Variants in MEF2C observed in about 807,000 individuals in gnomAD.
MEF2C encodes myocyte enhancer factor 2C.
MEF2C carries 6 observed loss-of-function variants against 50.5 expected under a neutral mutation model. The observed-to-expected ratio is 0.12, with a 90% CI of 0.07 to 0.23. The LOEUF (loss-of-function observed/expected upper bound fraction) is 0.23, where lower values mean the gene tolerates loss of function less well. Ranked by LOEUF, MEF2C falls within the 10% of genes least tolerant of loss-of-function variation. The pLI, the probability that MEF2C is intolerant of heterozygous loss-of-function variation, is 1.00. For synonymous variants in MEF2C, 183 were observed against 228.0 expected (o/e 0.80, Z 1.78); for missense variants, 276 against 605.0 (o/e 0.46, Z 5.70).
At chr5:88,738,546 C>G in intron 6 of MEF2C, 1 of 928,808 alleles carries the variant, frequency 1.1e-6, no homozygotes, top group Non-Finnish European at 1.3e-6. Flanking sequence ...ACTGGTGAAG[C>G]TATGATTTGA....
chr5:88,771,686 C>T, intron 3 of MEF2C: 1 of 845,034 alleles, frequency 1.2e-6, no homozygotes, highest in Non-Finnish European at 1.4e-6. Context: ...ACTTGACAGT[C>T]ATACTTTCTA....
intron 5 of MEF2C, chr5:88,749,318 T>G (rs1771489402): frequency 1.0e-6 from 1 of 978,044 alleles, no homozygotes; most frequent in African/African-American, 1.8e-5. Context: ...CACTGACATT[T>G]TGCAGAATCT....
chr5:88,768,678 A>G (rs1309574510), intron 3 of MEF2C: 1 of 985,094 alleles, frequency 1.0e-6, no homozygotes, highest in East Asian at 1.1e-4. Context: ...GATGAACAGA[A>G]CAGAAAAGAA....
intron 6 of MEF2C, chr5:88,742,665 A>G (rs1181321417): frequency 1.0e-6 from 1 of 985,202 alleles, no homozygotes; most frequent in Non-Finnish European, 1.2e-6. Flanking sequence ...AGTCAAACCA[A>G]AGGGGTCGAA....
chr5:88,741,182 C>T (rs1454052545), intron 6 of MEF2C: 1 of 985,362 alleles, frequency 1.0e-6, no homozygotes, highest in Non-Finnish European at 1.2e-6. Flanking sequence ...GCTCCCTTCA[C>T]CACACATTTC....
At chr5:88,730,091 C>A in intron 8 of MEF2C, 120 bp downstream of exon 8, 7 of 935,208 alleles carry the variant, frequency 7.5e-6, no homozygotes, top group Non-Finnish European at 9.4e-6. Flanking sequence ...GGTATTTAAA[C>A]ATAATCAATG....
At chr5:88,723,588 A>G (rs1326921998) in intron 10 of MEF2C, among the ~76,000 whole-genome samples, 1 of 152,238 alleles carries the variant, frequency 6.6e-6, no homozygotes, top group Non-Finnish European at 1.5e-5. Context: ...TTGGTTTTCA[A>G]ACACTTAAGA....
intron 1 of MEF2C, among the ~76,000 whole-genome samples, chr5:88,828,185 G>A (rs1057035557): frequency 5.9e-5 from 9 of 151,958 alleles, no homozygotes; most frequent in African/African-American, 2.2e-4. Flanking sequence ...TGATTTAGAA[G>A]TTAAACATAA....
intron 6 of MEF2C, chr5:88,736,979 G>A: frequency 1.0e-6 from 1 of 984,934 alleles, no homozygotes; most frequent in South Asian, 4.7e-5. Context: ...AGCCCACACT[G>A]AATTCACTCC....
Position 88,755,805 on chromosome 5 carries a change from A to G in MEF2C, c.403-3762T>C, listed in dbSNP as rs533121411. ...TGTGTCTCATTAGAGAGCAAAGCCC[A>G]TATCCCCTCACCCTTGGGTGATTAT... On this transcript the variant is annotated intron_variant, in intron 4 of 10. Coordinates refer to ENST00000504921, the MANE Select transcript of MEF2C (RefSeq NM_002397.5). 1.5e-4 allele frequency among the ~76,000 whole-genome samples: 23 copies of G among 152,366 alleles called. 1 individual carries two copies. The highest frequency in any genetic ancestry group is 3.9e-4 in the Admixed American group (6 of 15,300).
At chr5:88,840,035 G>A (rs1034995134) in intron 1 of MEF2C, among the ~76,000 whole-genome samples, 11 of 152,050 alleles carry the variant, frequency 7.2e-5, no homozygotes, top group African/African-American at 2.4e-4. Flanking sequence ...TAGAAACACC[G>A]GATATTAATA....
chr5:88,858,371 C>T (rs1386078864), intron 1 of MEF2C, among the ~76,000 whole-genome samples: 2 of 152,174 alleles, frequency 1.3e-5, no homozygotes, highest in Non-Finnish European at 2.9e-5. Flanking sequence ...AGCAAGACTC[C>T]ATAGAGATTG....
rs1026638221 is a variant in MEF2C, at chr5:88,720,491, C to A, written c.*2113G>T. ...AGGTCTCTTGGCTTCTGCCACCCAG[C>A]GGCAGCCTTTTACAATGAGAAACAC... is the stretch of plus-strand genomic sequence containing the variant. On this transcript the variant is annotated 3_prime_UTR_variant, in exon 11 of 11. Coordinates refer to ENST00000504921, the MANE Select transcript of MEF2C (RefSeq NM_002397.5). The A allele has an allele frequency of 3.3e-5, 5 of 152,432 alleles. No individual in the cohort carries two copies. Among genetic ancestry groups the A allele is most frequent in the Non-Finnish European group, 5.9e-5 (4 of 67,992 alleles). The allele number at this position is 152,432 out of a possible 1,614,324, so 9.4% of individuals were successfully genotyped here.
rs1209311118 is a variant in MEF2C at position 88,721,584 on chromosome 5, T to C, written c.*1020A>G. 1 of 152,600 alleles carries C rather than the reference T, an allele frequency of 6.6e-6. No homozygotes were observed. Among genetic ancestry groups the C allele is most frequent in the Non-Finnish European group, 1.5e-5 (1 of 68,036 alleles). The allele number at this position is 152,600 out of a possible 1,614,324, so 9.5% of individuals were successfully genotyped here. ...AACAAAACTTCTGCTATTACCATAA[T>C]ATTATATATATTAGAAAGCTATACA... On this transcript the variant is annotated 3_prime_UTR_variant, in exon 11 of 11. Transcript: ENST00000504921.
intron 4 of MEF2C, among the ~76,000 whole-genome samples, chr5:88,760,237 C>T (rs957602019): frequency 6.6e-6 from 1 of 152,184 alleles, no homozygotes; most frequent in African/African-American, 2.4e-5. Context: ...ATGTGGACAA[C>T]AAAATAATAC....
intron 3 of MEF2C, among the ~76,000 whole-genome samples, chr5:88,789,731 T>C (rs1220403414): frequency 6.6e-6 from 1 of 152,134 alleles, no homozygotes; most frequent in Middle Eastern, 3.2e-3. Context: ...GGTGGTTAAA[T>C]TTCAGAGTAG....
At chr5:88,806,377 C>T (rs893172358) in intron 2 of MEF2C, among the ~76,000 whole-genome samples, 1 of 152,186 alleles carries the variant, frequency 6.6e-6, no homozygotes, top group Non-Finnish European at 1.5e-5. Context: ...CCTGTCTAAA[C>T]ATCCTGGATT....
chr5:88,784,371 C>G (rs1789755956), intron 3 of MEF2C, among the ~76,000 whole-genome samples: 1 of 152,070 alleles, frequency 6.6e-6, no homozygotes, highest in African/African-American at 2.4e-5. Flanking sequence ...TTTTTGTCAG[C>G]TTTTTCTGAA....
chr5:88,830,837 A>G (rs1013887891), intron 1 of MEF2C, among the ~76,000 whole-genome samples: 1 of 152,122 alleles, frequency 6.6e-6, no homozygotes, highest in African/African-American at 2.4e-5. Context: ...AAGAGCTACA[A>G]TTTAACATCA....
Sources: allele counts gnomAD v4.1 joint callset (sites outside exome capture counted in the v4.1 genomes callset), GRCh38; gene constraint gnomAD v4.1.1; transcripts MANE v1.5; gene names NCBI Gene and HGNC (gene_info 2026-07-23, HGNC 2026-07-21).